The following CAMTA1 variants were observed in gnomAD, a reference collection of about 807,000 sequenced individuals.
CAMTA1 encodes the protein calmodulin binding transcription activator 1.
In CAMTA1, 27 loss-of-function variants were observed where a neutral mutation model predicts 170.9. That is an observed-to-expected ratio of 0.16 (90% CI 0.12 to 0.22). The LOEUF (loss-of-function observed/expected upper bound fraction) is 0.22, where lower values mean the gene tolerates loss of function less well. CAMTA1 is among the 10% of genes least tolerant of loss of function. The pLI is 1.00. For synonymous variants in CAMTA1, 833 were observed against 891.5 expected (o/e 0.93, Z 1.17); for missense variants, 1,619 against 2,217.2 (o/e 0.73, Z 5.42).
At chr1:7,405,137 C>T (rs1367525492) in intron 5 of CAMTA1, among the ~76,000 whole-genome samples, 3 of 152,014 alleles carry the variant, frequency 2.0e-5, no homozygotes, top group African/African-American at 7.3e-5. Context: ...TCCTCCCTCA[C>T]TTCCTGCAGG....
intron 5 of CAMTA1, among the ~76,000 whole-genome samples, chr1:7,393,007 C>T (rs1417956474): frequency 6.6e-6 from 1 of 151,136 alleles, no homozygotes. Flanking sequence ...GAGCTATGAT[C>T]GCGCCACTGC....
At chr1:7,210,265 T>G (rs908528581) in intron 4 of CAMTA1, among the ~76,000 whole-genome samples, 11 of 152,250 alleles carry the variant, frequency 7.2e-5, no homozygotes, top group Non-Finnish European at 4.4e-5. Flanking sequence ...TCTTCAGTCT[T>G]TGTCTTTCAT....
intron 3 of CAMTA1, among the ~76,000 whole-genome samples, chr1:6,950,742 T>C (rs1688345654): frequency 7.2e-6 from 1 of 139,758 alleles, no homozygotes. Context: ...TCAACCACAG[T>C]GCTACGAAGG....
intron 4 of CAMTA1, among the ~76,000 whole-genome samples, chr1:7,180,657 G>A (rs1019626509): frequency 1.3e-5 from 2 of 151,826 alleles, no homozygotes; most frequent in South Asian, 4.2e-4. Flanking sequence ...GGGAATACAG[G>A]TGTGTGCCAC....
chr1:7,594,336 G>C lies in CAMTA1; in HGVS notation c.511-46064G>C, dbSNP rs146299552. On this transcript the variant is annotated intron_variant, in intron 6 of 22. Transcript: ENST00000303635. ...AGGGGAAGAATGTTCCAGACAGGGG[G>C]ACCAGCCGGGGTAAAGGCACCAAGG... is the stretch of plus-strand genomic sequence containing the variant. Among the ~76,000 whole-genome samples, 977 of 152,228 alleles carry C rather than the reference G, an allele frequency of 6.4e-3. 15 individuals carry two copies. Among genetic ancestry groups the C allele is most frequent in the African/African-American group, 0.022 (903 of 41,532 alleles).
chr1:7,329,666 T>C (rs1209509478), intron 5 of CAMTA1, among the ~76,000 whole-genome samples: 1 of 152,118 alleles, frequency 6.6e-6, no homozygotes, highest in Non-Finnish European at 1.5e-5. Flanking sequence ...ATACCCTACG[T>C]GTGTGATGGT....
At chr1:6,954,776 G>A (rs1342421892) in intron 3 of CAMTA1, among the ~76,000 whole-genome samples, 2 of 152,144 alleles carry the variant, frequency 1.3e-5, no homozygotes, top group Admixed American at 1.3e-4. Context: ...AGCCACGCAG[G>A]CAGGCACTTG....
chr1:6,892,507 G>T (rs757284826), intron 3 of CAMTA1, among the ~76,000 whole-genome samples: 5 of 151,948 alleles, frequency 3.3e-5, no homozygotes, highest in Non-Finnish European at 7.4e-5. Context: ...AATGGGCCAG[G>T]TTCTTGAGAA....
At chr1:7,172,139 A>T (rs1249276629) in intron 4 of CAMTA1, among the ~76,000 whole-genome samples, 1 of 150,378 alleles carries the variant, frequency 6.6e-6, no homozygotes, top group East Asian at 1.9e-4. Context: ...GGAGGTGGAG[A>T]TCTTGTCCTG....
intron 4 of CAMTA1, among the ~76,000 whole-genome samples, chr1:7,156,645 T>C (rs1040297417): frequency 6.6e-6 from 1 of 152,236 alleles, no homozygotes; most frequent in Non-Finnish European, 1.5e-5. Flanking sequence ...CTAATCCTGA[T>C]TGAGCATTCT....
intron 6 of CAMTA1, among the ~76,000 whole-genome samples, chr1:7,474,259 A>T (rs12077242): frequency 2.5e-4 from 34 of 134,720 alleles, no homozygotes; most frequent in Admixed American, 5.7e-4. Context: ...AGTTTGTCTA[A>T]TGTCTCTGAG....
Position 7,054,769 on chromosome 1 carries a change from G to A in CAMTA1, c.235-36535G>A, listed in dbSNP as rs80203354. 6.1e-4 allele frequency among the ~76,000 whole-genome samples: 93 copies of A among 152,308 alleles called. 1 individual carries two copies. The highest frequency in any genetic ancestry group is 3.4e-3 in the Middle Eastern group (1 of 294). On this transcript the variant is annotated intron_variant, in intron 3 of 22. Transcript: ENST00000303635. The stretch of plus-strand genomic sequence containing the variant: ...CCTTCAGTGTTCTCATCTGCAGTAT[G>A]GGATGGTATATGAGTCCACTCTCGC...
chr1:7,747,560 T>C (rs1397543983), intron 18 of CAMTA1, 150 bp from the exon 19 acceptor site: 20 of 553,166 alleles, frequency 3.6e-5, no homozygotes, highest in African/African-American at 3.1e-4. Flanking sequence ...TATAAATTCA[T>C]TTTTCCTCAT....
intron 6 of CAMTA1, among the ~76,000 whole-genome samples, chr1:7,596,923 A>C (rs79653904): frequency 6.6e-6 from 1 of 151,376 alleles, no homozygotes; most frequent in African/African-American, 2.4e-5. Context: ...GCATGAGCAG[A>C]ACTGATGCCC....
chr1:7,231,835 A>G (rs1272019077), intron 4 of CAMTA1, among the ~76,000 whole-genome samples: 1 of 152,224 alleles, frequency 6.6e-6, no homozygotes, highest in South Asian at 2.1e-4. Context: ...ATCCTATTGA[A>G]CAGGATTGTG....
intron 4 of CAMTA1, among the ~76,000 whole-genome samples, chr1:7,127,298 C>A (rs1644995815): frequency 8.8e-6 from 1 of 114,168 alleles, no homozygotes; most frequent in Non-Finnish European, 1.6e-5. Context: ...CCTTTAGGAT[C>A]TACGATGGGA....
At chr1:7,033,588 C>CT (rs34282545) in intron 3 of CAMTA1, among the ~76,000 whole-genome samples, 50,363 of 95,122 alleles carry the variant, frequency 0.53, 13,879 homozygotes, top group African/African-American at 0.55. Context: ...TGTAAATATT[C>CT]TTTTTTTTTT....
chr1:7,540,394 C>T (rs2094596253), intron 6 of CAMTA1, among the ~76,000 whole-genome samples: 1 of 152,102 alleles, frequency 6.6e-6, no homozygotes, highest in Admixed American at 6.6e-5. Context: ...AACCTGGAGT[C>T]TCTCCATGAG....
intron 5 of CAMTA1, among the ~76,000 whole-genome samples, chr1:7,315,547 C>G (rs1441575489): frequency 6.6e-6 from 1 of 152,182 alleles, no homozygotes; most frequent in African/African-American, 2.4e-5. Flanking sequence ...TTTAAACTTT[C>G]CTGAGCCTCA....
Sources: allele counts gnomAD v4.1 joint callset (sites outside exome capture counted in the v4.1 genomes callset), GRCh38; gene constraint gnomAD v4.1.1; transcripts MANE v1.5; gene names NCBI Gene and HGNC (gene_info 2026-07-23, HGNC 2026-07-21).